CCND3: variants seen among roughly 807,000 people sequenced by gnomAD.
CCND3 encodes G1/S-specific cyclin-D3.
In CCND3, 9 loss-of-function variants were observed where a neutral mutation model predicts 28.7. The observed-to-expected ratio is 0.31, with a 90% CI of 0.19 to 0.55. CCND3 has a LOEUF of 0.55. CCND3 is among the 20% of genes least tolerant of loss of function. The pLI, the probability that CCND3 is intolerant of heterozygous loss-of-function variation, is 0.93. For missense variants in CCND3, 315 were observed against 385.8 expected (o/e 0.82, Z 1.54); for synonymous variants, 164 against 163.9 (o/e 1.00, Z 0.00).
chr6:41,935,834 C>G lies in CCND3; in HGVS notation c.*106G>C, dbSNP rs1404189823. On this transcript the variant is annotated 3_prime_UTR_variant, in exon 5 of 5. Transcript: ENST00000372991. ...TCCCTTGGGCTTTGTGAAGGGGGAA[C>G]AGACGCCCCTTCAGGCTTAGATGTG... 1 of 1,109,466 alleles carries G rather than the reference C, an allele frequency of 9.0e-7. No homozygotes were observed. The highest frequency in any genetic ancestry group is 1.3e-6 in the Non-Finnish European group (1 of 754,996). The allele number at this position is 1,109,466 out of a possible 1,614,324, so 68.7% of individuals were successfully genotyped here. A position where few individuals can be genotyped will look rare whatever the true frequency, so the allele number is the denominator to read the frequency against.
intron 1 of CCND3, among the ~76,000 whole-genome samples, chr6:41,958,474 T>C (rs1468662489): frequency 2.0e-5 from 3 of 152,222 alleles, no homozygotes; most frequent in Non-Finnish European, 4.4e-5. Context: ...CAGAACTTTA[T>C]TGAGATCCTA....
At chr6:41,975,926 C>T (rs1010160213) in intron 1 of CCND3, among the ~76,000 whole-genome samples, 2 of 151,842 alleles carry the variant, frequency 1.3e-5, no homozygotes, top group African/African-American at 4.8e-5. Context: ...ACTGCAGCCT[C>T]GAACTCTCAG....
chr6:42,007,730 G>T (rs1230733125), intron 1 of CCND3, among the ~76,000 whole-genome samples: 1 of 152,208 alleles, frequency 6.6e-6, no homozygotes. Flanking sequence ...TGTGCTGCGA[G>T]AGCCAGAAAG....
At chr6:41,961,247 G>A (rs1218579711) in intron 1 of CCND3, among the ~76,000 whole-genome samples, 3 of 152,254 alleles carry the variant, frequency 2.0e-5, no homozygotes, top group Admixed American at 1.3e-4. Flanking sequence ...GCTGAGGTAG[G>A]TGGATCATCT....
intron 1 of CCND3, among the ~76,000 whole-genome samples, chr6:41,987,041 T>C (rs1424865351): frequency 6.6e-6 from 1 of 152,106 alleles, no homozygotes; most frequent in African/African-American, 2.4e-5. Flanking sequence ...TCATTACTAT[T>C]CTGTGTAAAT....
At chr6:41,967,898 C>T (rs1582116476) in intron 1 of CCND3, among the ~76,000 whole-genome samples, 1 of 152,344 alleles carries the variant, frequency 6.6e-6, no homozygotes, top group East Asian at 1.9e-4. Flanking sequence ...CTTCTCCAGC[C>T]TTCCCTTGAG....
At position 41,935,247 on chromosome 6, in the gene CCND3, T is replaced by G. The variant is rs972699302; in HGVS notation, c.*693A>C. 3 of 233,590 alleles carry G rather than the reference T, an allele frequency of 1.3e-5. No individual in the cohort carries two copies. The highest frequency in any genetic ancestry group is 1.7e-5 in the Non-Finnish European group (2 of 118,074). 14.5% of individuals were successfully genotyped at this position (233,590 alleles called of 1,614,324 possible). A position where few individuals can be genotyped will look rare whatever the true frequency, so the allele number is the denominator to read the frequency against. On this transcript the variant is annotated 3_prime_UTR_variant, in exon 5 of 5. Transcript: ENST00000372991. ...CAACCACCAGGGTTACCACCACTTG[T>G]GGGATGGCCAGGACCCCATTATGTC...
intron 1 of CCND3, among the ~76,000 whole-genome samples, chr6:42,000,325 C>T (rs1369822116): frequency 7.8e-6 from 1 of 127,530 alleles, no homozygotes; most frequent in African/African-American, 2.9e-5. Context: ...CTGCAAGCTC[C>T]GCCTCTCGGG....
intron 1 of CCND3, among the ~76,000 whole-genome samples, chr6:42,028,869 T>A (rs9381120): frequency 0.16 from 24,092 of 152,220 alleles, 2,168 homozygotes; most frequent in East Asian, 0.43. Flanking sequence ...GTTCGCTATT[T>A]TCAAGGCCAA....
intron 1 of CCND3, among the ~76,000 whole-genome samples, chr6:42,033,487 C>CAT (rs1368538790): frequency 8.2e-4 from 8 of 9,796 alleles, no homozygotes; most frequent in African/African-American, 1.3e-3. Context: ...TATATGCACA[C>CAT]ATACACACAC....
chr6:42,029,036 G>A (rs1582180889), intron 1 of CCND3, among the ~76,000 whole-genome samples: 1 of 151,122 alleles, frequency 6.6e-6, no homozygotes, highest in South Asian at 2.1e-4. Flanking sequence ...GATTGCAGTG[G>A]CATGATCATA....
At chr6:41,996,670 C>T (rs1057108762) in intron 1 of CCND3, among the ~76,000 whole-genome samples, 2 of 141,434 alleles carry the variant, frequency 1.4e-5, no homozygotes, top group African/African-American at 5.3e-5. Context: ...AAAATCTTAC[C>T]TTTTTTTTTT....
intron 1 of CCND3, among the ~76,000 whole-genome samples, chr6:41,974,418 T>C (rs942111114): frequency 6.6e-6 from 1 of 152,054 alleles, no homozygotes; most frequent in African/African-American, 2.4e-5. Flanking sequence ...ATCATCATCA[T>C]TAAGAACTGG....
chr6:42,037,332 G>C (rs1416179764), intron 1 of CCND3, among the ~76,000 whole-genome samples: 1 of 151,432 alleles, frequency 6.6e-6, no homozygotes, highest in Non-Finnish European at 1.5e-5. Flanking sequence ...CTGACTCCCT[G>C]GTTCAAGCGA....
intron 1 of CCND3, among the ~76,000 whole-genome samples, chr6:42,042,652 G>A (rs552125337): frequency 8.7e-4 from 132 of 152,244 alleles, no homozygotes; most frequent in South Asian, 2.5e-3. Flanking sequence ...GAGCAACTGC[G>A]CCTGGCTGGA....
At chr6:42,037,320 CT>C (rs1447192442) in intron 1 of CCND3, among the ~76,000 whole-genome samples, 1 of 151,804 alleles carries the variant, frequency 6.6e-6, no homozygotes, top group East Asian at 1.9e-4. Flanking sequence ...TCACTGCAAC[CT>C]CTGACTCCCT....
In CCND3 at chr6:41,936,010, G is replaced by A. The variant is rs1582080131; in HGVS notation, c.809C>T (p.Pro270Leu). The A allele has an allele frequency of 3.1e-6, 5 of 1,613,380 alleles. No homozygotes were observed. Among genetic ancestry groups the A allele is most frequent in the South Asian group, 1.1e-5 (1 of 91,016 alleles). ...GGGCCCTTGGCTGCTGGAGCCCCGG[G>A]GGGCTTTGGGCGCTGGGCTGGAGCT... is the stretch of plus-strand genomic sequence containing the variant. ...QTSSSPAPKA[P>L]RGSSSQGPSQ... Residue 270 changes from proline (P) to leucine (L), a missense_variant, in exon 5 of 5, where the codon CCC (proline) becomes CTC (leucine). By Grantham distance (98) the Pro-to-Leu change is moderately conservative (BLOSUM62 -3). Coordinates refer to ENST00000372991, the MANE Select transcript of CCND3 (RefSeq NM_001760.5). This position sits in a 1 kb window ranked among gnomAD's most constrained non-coding sequence, Gnocchi z 4.4.
chr6:42,014,816 G>C (rs1355862886), intron 1 of CCND3, among the ~76,000 whole-genome samples: 1 of 152,160 alleles, frequency 6.6e-6, no homozygotes, highest in Non-Finnish European at 1.5e-5. Context: ...TTATTTCTGA[G>C]TAGTGGTTCA....
At chr6:42,003,230 A>G (rs1763067964) in intron 1 of CCND3, among the ~76,000 whole-genome samples, 1 of 151,996 alleles carries the variant, frequency 6.6e-6, no homozygotes, top group Admixed American at 6.6e-5. Context: ...GTTAAAAAAA[A>G]AAAGAACAGC....
Sources: allele counts gnomAD v4.1 joint callset (sites outside exome capture counted in the v4.1 genomes callset), GRCh38; gene constraint gnomAD v4.1.1; non-coding constraint Gnocchi (gnomAD v3.1); transcripts MANE v1.5; gene names NCBI Gene and HGNC (gene_info 2026-07-23, HGNC 2026-07-21).